The following AGBL4 variants were observed in gnomAD, a reference collection of about 807,000 sequenced individuals.
The protein encoded by AGBL4 is cytosolic carboxypeptidase 6.
In AGBL4, 58 loss-of-function variants were observed where a neutral mutation model predicts 66.4. The ratio of observed to expected loss-of-function variants is 0.87; its 90% CI spans 0.71 to 1.09. The LOEUF (loss-of-function observed/expected upper bound fraction) is 1.09, where lower values mean the gene tolerates loss of function less well. Ranked by LOEUF, AGBL4 falls within the 50% of genes least tolerant of loss-of-function variation. The pLI is 0.00. For missense variants in AGBL4, 579 were observed against 631.0 expected (o/e 0.92, Z 0.88); for synonymous variants, 234 against 222.9 (o/e 1.05, Z -0.44).
intron 6 of AGBL4, among the ~76,000 whole-genome samples, chr1:48,765,046 G>A (rs1644463206): frequency 6.6e-6 from 1 of 152,174 alleles, no homozygotes; most frequent in Non-Finnish European, 1.5e-5. Context: ...TCTTTCTTAT[G>A]TGCTAGACAA....
chr1:49,366,505 G>A (rs1267830373), intron 3 of AGBL4, among the ~76,000 whole-genome samples: 1 of 152,168 alleles, frequency 6.6e-6, no homozygotes, highest in African/African-American at 2.4e-5. Flanking sequence ...GGGTGTAGGA[G>A]TTATAACCAT....
chr1:48,924,860 T>C (rs78718351), intron 5 of AGBL4, among the ~76,000 whole-genome samples: 1,875 of 152,130 alleles, frequency 0.012, 34 homozygotes, highest in African/African-American at 0.038. Flanking sequence ...GAGGAGGAAA[T>C]GGAACCTATA....
chr1:48,720,668 C>G (rs1229540157), intron 6 of AGBL4, among the ~76,000 whole-genome samples: 2 of 152,198 alleles, frequency 1.3e-5, no homozygotes, highest in African/African-American at 4.8e-5. Flanking sequence ...AAAAACATCA[C>G]CATAACTATA....
At chr1:49,835,690 GT>G (rs1238537342) in intron 2 of AGBL4, among the ~76,000 whole-genome samples, 5 of 152,292 alleles carry the variant, frequency 3.3e-5, no homozygotes, top group African/African-American at 9.6e-5. Context: ...AATTTGGTAT[GT>G]TTTTGCAGTG....
At chr1:49,756,388 G>T (rs1426397650) in intron 2 of AGBL4, among the ~76,000 whole-genome samples, 1 of 152,110 alleles carries the variant, frequency 6.6e-6, no homozygotes, top group Non-Finnish European at 1.5e-5. Flanking sequence ...CAGGAGTTTT[G>T]CTCTTAAAGG....
intron 3 of AGBL4, among the ~76,000 whole-genome samples, chr1:49,496,604 T>C (rs1358157544): frequency 7.6e-6 from 1 of 130,948 alleles, no homozygotes; most frequent in African/African-American, 2.8e-5. Flanking sequence ...AGATTCCACA[T>C]AGAAGTAATA....
intron 11 of AGBL4, among the ~76,000 whole-genome samples, chr1:48,544,386 G>A (rs991648260): frequency 2.6e-5 from 4 of 152,216 alleles, no homozygotes; most frequent in African/African-American, 4.8e-5. Context: ...CAAACATTGT[G>A]GAGGCAGATA....
At chr1:49,537,905 C>T (rs907278252) in intron 3 of AGBL4, among the ~76,000 whole-genome samples, 11 of 148,086 alleles carry the variant, frequency 7.4e-5, no homozygotes, top group East Asian at 5.9e-4. Context: ...CCAGCCTGGG[C>T]GAGAGAGTGA....
At chr1:49,143,926 C>A (rs1646166139) in intron 4 of AGBL4, among the ~76,000 whole-genome samples, 1 of 152,116 alleles carries the variant, frequency 6.6e-6, no homozygotes, top group Non-Finnish European at 1.5e-5. Context: ...TAAAATAGCC[C>A]CAATGCTATT....
At chr1:49,545,790 A>G (rs1470104212) in intron 3 of AGBL4, among the ~76,000 whole-genome samples, 1 of 152,258 alleles carries the variant, frequency 6.6e-6, no homozygotes, top group African/African-American at 2.4e-5. Context: ...AAAAGCAAAT[A>G]CTATTTGAAA....
intron 4 of AGBL4, among the ~76,000 whole-genome samples, chr1:49,243,022 C>CATAT (rs71307611): frequency 1.6e-4 from 24 of 149,286 alleles, no homozygotes; most frequent in South Asian, 6.3e-4. Flanking sequence ...AATTTTTATA[C>CATAT]ATATATATAT....
chr1:49,293,810 T>C (rs1006141927), intron 3 of AGBL4, among the ~76,000 whole-genome samples: 1 of 152,246 alleles, frequency 6.6e-6, no homozygotes, highest in East Asian at 1.9e-4. Context: ...TTATTTTGAA[T>C]GGTAGGCAGT....
chr1:48,653,555 G>A lies in AGBL4; in HGVS notation c.725-104C>T, dbSNP rs1210024262. 15 of 847,480 alleles carry A rather than the reference G, an allele frequency of 1.8e-5. No individual in the cohort carries two copies. In the South Asian group the frequency reaches 2.3e-4, roughly 13 times the overall value. 52.5% of individuals were successfully genotyped at this position (847,480 alleles called of 1,614,324 possible). On this transcript the variant is annotated intron_variant, in intron 7 of 13. Coordinates refer to ENST00000371839, the MANE Select transcript of AGBL4 (RefSeq NM_032785.4). ...AAGAAGAGCTCAATAGGTGATTTTGGCCTGTGTTGTTATTGGCCACTGTGG... is the reference window on the plus strand; with the variant it reads ...AAGAAGAGCTCAATAGGTGATTTTGACCTGTGTTGTTATTGGCCACTGTGG...
chr1:48,632,263 C>T (rs1261426187), intron 9 of AGBL4, among the ~76,000 whole-genome samples: 2 of 152,084 alleles, frequency 1.3e-5, no homozygotes, highest in Admixed American at 1.3e-4. Context: ...AGCTCAGCAC[C>T]CAAGATGTAC....
At chr1:49,586,201 C>T (rs1209708630) in intron 3 of AGBL4, among the ~76,000 whole-genome samples, 1 of 151,988 alleles carries the variant, frequency 6.6e-6, no homozygotes, top group Admixed American at 6.6e-5. Context: ...CCATTTTATA[C>T]TTGGAAAAAA....
intron 1 of AGBL4, among the ~76,000 whole-genome samples, chr1:49,907,798 T>A (rs1406634549): frequency 1.3e-5 from 2 of 152,056 alleles, no homozygotes; most frequent in African/African-American, 4.8e-5. Flanking sequence ...CAAGAGTTAA[T>A]CCTAATGTAT....
chr1:49,548,049 G>A (rs557708228), intron 3 of AGBL4, among the ~76,000 whole-genome samples: 91 of 152,256 alleles, frequency 6.0e-4, no homozygotes, highest in Admixed American at 1.2e-3. Context: ...TGGGATTACA[G>A]GCATGAGCCA....
At chr1:49,854,950 T>C (rs555999533) in intron 1 of AGBL4, among the ~76,000 whole-genome samples, 2 of 152,292 alleles carry the variant, frequency 1.3e-5, no homozygotes, top group South Asian at 2.1e-4. Context: ...CCTATGTATG[T>C]CATCCAGTTT....
intron 3 of AGBL4, among the ~76,000 whole-genome samples, chr1:49,319,999 G>C (rs1425082585): frequency 6.6e-6 from 1 of 152,054 alleles, no homozygotes; most frequent in East Asian, 1.9e-4. Context: ...TACCATTACA[G>C]ACGGTTCACT....
Sources: gnomAD v4.1 joint callset for allele counts (sites outside exome capture counted in the v4.1 genomes callset) on GRCh38, gnomAD v4.1.1 for gene constraint, MANE v1.5 for transcripts, NCBI Gene and HGNC (gene_info 2026-07-23, HGNC 2026-07-21) for gene names.